TDRP: variants seen among roughly 807,000 people sequenced by gnomAD.
TDRP encodes the protein testis development related protein.
A neutral mutation model predicts 10.5 loss-of-function variants in TDRP; 12 were observed. That is an observed-to-expected ratio of 1.15 (90% CI 0.73 to 1.86). The LOEUF (loss-of-function observed/expected upper bound fraction) is 1.86. Among genes scored for constraint, TDRP ranks in the 40% most tolerant of loss-of-function variants. The probability of loss-of-function intolerance (pLI) is 0.00; values close to 1 mark genes in which losing one functional copy is unlikely to be tolerated. For synonymous variants in TDRP, 139 were observed against 95.4 expected (o/e 1.46, Z -2.67); for missense variants, 353 against 229.2 (o/e 1.54, Z -3.49).
At chr8:507,927 A>G (rs936001964) in intron 1 of TDRP, among the ~76,000 whole-genome samples, 1 of 152,214 alleles carries the variant, frequency 6.6e-6, no homozygotes, top group Admixed American at 6.5e-5. Flanking sequence ...AAAAATAAAA[A>G]TAAAATATAT....
chr8:515,551 T>A (rs996733483), intron 1 of TDRP, among the ~76,000 whole-genome samples: 11 of 152,198 alleles, frequency 7.2e-5, no homozygotes, highest in African/African-American at 2.2e-4. Flanking sequence ...TCAAAAAGTT[T>A]TGAATTTTGG....
chr8:515,570 A>G (rs527734781), intron 1 of TDRP, among the ~76,000 whole-genome samples: 1 of 152,336 alleles, frequency 6.6e-6, no homozygotes, highest in Non-Finnish European at 1.5e-5. Flanking sequence ...GGAGCATTTC[A>G]CATTTTTAGA....
chr8:519,703 G>C (rs1188919511), intron 1 of TDRP, among the ~76,000 whole-genome samples: 1 of 152,138 alleles, frequency 6.6e-6, no homozygotes, highest in African/African-American at 2.4e-5. Context: ...GTGACTAAAA[G>C]AGAGTGAAAA....
Position 492,458 on chromosome 8 carries a change from C to A in TDRP, c.499G>T (p.Val167Leu). ...RWSLRAAGRL[V>L]SIRRQSKGHL... ...CCTTTACTCTGCCGTCGGATGCTCA[C>A]CAGCCTCCCTGCCGCGCGCAGGCTC... Residue 167 changes from valine (V) to leucine (L), a missense_variant, in exon 3 of 3, where the codon GTG becomes TTG. Transcript: ENST00000324079. The A allele has an allele frequency of 6.2e-7, 1 of 1,600,936 alleles. No homozygotes were observed. Among genetic ancestry groups the A allele is most frequent in the Admixed American group, 1.7e-5 (1 of 59,354 alleles).
At chr8:512,406 C>G (rs919751962) in intron 1 of TDRP, among the ~76,000 whole-genome samples, 1 of 152,022 alleles carries the variant, frequency 6.6e-6, no homozygotes, top group Non-Finnish European at 1.5e-5. Context: ...GCACTCCAGC[C>G]TGGCAACAGA....
chr8:528,561 ACTTGACAG>A (rs1802098153), intron 1 of TDRP, among the ~76,000 whole-genome samples: 1 of 150,252 alleles, frequency 6.7e-6, no homozygotes, highest in African/African-American at 2.4e-5. Context: ...AAGATCTGGT[ACTTGACAG>A]CACAACAGGA....
intron 1 of TDRP, among the ~76,000 whole-genome samples, chr8:518,588 T>C (rs1346874770): frequency 6.6e-6 from 1 of 151,824 alleles, no homozygotes; most frequent in African/African-American, 2.4e-5. Flanking sequence ...GAGTAACTAT[T>C]TTGAGAGAAA....
intron 1 of TDRP, among the ~76,000 whole-genome samples, chr8:500,065 C>A (rs1801244825): frequency 1.3e-5 from 2 of 152,178 alleles, no homozygotes; most frequent in African/African-American, 4.8e-5. Context: ...GAGAAAGTGA[C>A]ATCCAAAACA....
intron 1 of TDRP, among the ~76,000 whole-genome samples, chr8:539,911 C>T (rs565793283): frequency 6.6e-6 from 1 of 152,302 alleles, no homozygotes; most frequent in East Asian, 1.9e-4. Flanking sequence ...TGAAACACTC[C>T]TTGATGTCTT....
intron 1 of TDRP, among the ~76,000 whole-genome samples, chr8:513,401 A>G (rs1484079543): frequency 6.6e-6 from 1 of 152,192 alleles, no homozygotes; most frequent in Non-Finnish European, 1.5e-5. Context: ...AATAAAAAAA[A>G]TTATATAAGC....
In TDRP at chr8:491,836, C is replaced by A. The variant is rs923647468; in HGVS notation, c.*563G>T. On this transcript the variant is annotated 3_prime_UTR_variant, in exon 3 of 3. Transcript: ENST00000324079. ...AAAGATGAACATGCATTTTAAGATA[C>A]ATTTTACTCCCAAATATAAGCTTTG... 1 of 1,229,996 alleles carries A rather than the reference C, an allele frequency of 8.1e-7. No individual in the cohort carries two copies. Among genetic ancestry groups the A allele is most frequent in the Non-Finnish European group, 1.0e-6 (1 of 985,838 alleles). The allele number at this position is 1,229,996 out of a possible 1,614,324, so 76.2% of individuals were successfully genotyped here. A position where few individuals can be genotyped will look rare whatever the true frequency, so the allele number is the denominator to read the frequency against.
At chr8:498,643 G>C (rs28553997) in intron 1 of TDRP, among the ~76,000 whole-genome samples, 1 of 152,078 alleles carries the variant, frequency 6.6e-6, no homozygotes, top group Non-Finnish European at 1.5e-5. Context: ...GGATTGTTGG[G>C]AAGGCATGAC....
At chr8:513,302 G>A (rs1051337534) in intron 1 of TDRP, among the ~76,000 whole-genome samples, 2 of 151,946 alleles carry the variant, frequency 1.3e-5, no homozygotes, top group African/African-American at 4.8e-5. Flanking sequence ...ATTAAAAAAT[G>A]AAAAGAATTA....
intron 1 of TDRP, among the ~76,000 whole-genome samples, chr8:535,669 A>G (rs1350083583): frequency 6.6e-6 from 1 of 151,854 alleles, no homozygotes; most frequent in East Asian, 2.0e-4. Context: ...ATCTTAAAAA[A>G]GCAGAAGACA....
At chr8:517,864 C>T (rs952136351) in intron 1 of TDRP, among the ~76,000 whole-genome samples, 1 of 152,156 alleles carries the variant, frequency 6.6e-6, no homozygotes, top group African/African-American at 2.4e-5. Context: ...TCTGAAAAGG[C>T]TACACACTGT....
At chr8:513,568 T>A (rs1181216935) in intron 1 of TDRP, among the ~76,000 whole-genome samples, 1 of 152,230 alleles carries the variant, frequency 6.6e-6, no homozygotes, top group African/African-American at 2.4e-5. Flanking sequence ...GGTTAAAGAC[T>A]GAAAGCTTGC....
At position 539,796 on chromosome 8, in the gene TDRP, C is replaced by T. The variant is rs551445791; in HGVS notation, c.108+4854G>A. Among the ~76,000 whole-genome samples, 10 of 152,286 alleles carry T rather than the reference C, an allele frequency of 6.6e-5. No homozygotes were observed. In the East Asian group the frequency reaches 9.6e-4, roughly 15 times the overall value. ...TCTTCCCAGACACCACTAAAGCAAA[C>T]GTCACAGAGCCTCACAGTGTCATAA... On this transcript the variant is annotated intron_variant, in intron 1 of 2. Coordinates refer to ENST00000324079, the MANE Select transcript of TDRP (RefSeq NM_001384899.1).
At chr8:525,635 T>A (rs1802015729) in intron 1 of TDRP, among the ~76,000 whole-genome samples, 2 of 152,156 alleles carry the variant, frequency 1.3e-5, no homozygotes, top group African/African-American at 4.8e-5. Context: ...TTTACAATAA[T>A]GGGTTATATT....
chr8:516,672 C>T (rs961128536), intron 1 of TDRP, among the ~76,000 whole-genome samples: 1 of 152,134 alleles, frequency 6.6e-6, no homozygotes, highest in African/African-American at 2.4e-5. Context: ...ATGGTGCAGC[C>T]ATTTCAGAAG....
Sources: allele counts gnomAD v4.1 joint callset (sites outside exome capture counted in the v4.1 genomes callset), GRCh38; gene constraint gnomAD v4.1.1; transcripts MANE v1.5; gene names NCBI Gene and HGNC (gene_info 2026-07-23, HGNC 2026-07-21).